Variants in PHF3 observed in about 807,000 individuals in gnomAD.
PHF3 encodes PHD finger protein 3.
A neutral mutation model predicts 178.4 loss-of-function variants in PHF3; 41 were observed. That is an observed-to-expected ratio of 0.23 (90% CI 0.18 to 0.30). The LOEUF (loss-of-function observed/expected upper bound fraction) is 0.30, where lower values mean the gene tolerates loss of function less well. Among genes scored for constraint, PHF3 ranks in the 10% least tolerant of loss-of-function variants. The pLI is 1.00. For synonymous variants in PHF3, 842 were observed against 800.5 expected, an observed-to-expected ratio of 1.05 and a Z score of -0.88; for missense variants, 2,346 against 2,398.1, an observed-to-expected ratio of 0.98 and a Z score of 0.45.
rs201542454 is a variant in PHF3 at position 63,716,675 on chromosome 6, CT to C, written c.*2976del. ...TTTCTGGAGACTTTCAGGGAGATTC[CT>C]TTTTTTTTGCGCCTTGGTTTCTAGC... On this transcript the variant is annotated 3_prime_UTR_variant, in exon 16 of 16. Transcript: ENST00000262043. Among the ~76,000 whole-genome samples, 2 of 150,568 alleles carry C rather than the reference CT, an allele frequency of 1.3e-5. No individual in the cohort carries two copies. Among genetic ancestry groups the C allele is most frequent in the South Asian group, 2.1e-4 (1 of 4,748 alleles).
At chr6:63,639,308 C>T (rs1016453792) in intron 1 of PHF3, among the ~76,000 whole-genome samples, 1 of 152,118 alleles carries the variant, frequency 6.6e-6, no homozygotes, top group South Asian at 2.1e-4. Context: ...CATTTTAATT[C>T]GTTTGTAATT....
intron 15 of PHF3, 86 bp from the exon 16 acceptor site, chr6:63,711,500 T>A: frequency 1.5e-6 from 2 of 1,366,478 alleles, no homozygotes; most frequent in Non-Finnish European, 2.0e-6. Context: ...CCATTTAATA[T>A]CCTGTAATAA....
chr6:63,703,223 C>A (rs1165125241), intron 10 of PHF3, among the ~76,000 whole-genome samples: 1 of 152,140 alleles, frequency 6.6e-6, no homozygotes, highest in Non-Finnish European at 1.5e-5. Context: ...GTAAGTGTTT[C>A]TTAGGCAGAG....
At chr6:63,665,366 T>C (rs952194155) in intron 2 of PHF3, among the ~76,000 whole-genome samples, 3 of 152,030 alleles carry the variant, frequency 2.0e-5, no homozygotes, top group Admixed American at 6.6e-5. Context: ...ATTTATTAAG[T>C]ATAATAGCTC....
In PHF3 at chr6:63,722,717, C is replaced by A. The variant is rs1768451776; in HGVS notation, c.*9009C>A. ...TCATCCAGGGATATTCGGCATTATG[C>A]TACACTACTTCTTCCTCCCTCCAGA... On this transcript the variant is annotated 3_prime_UTR_variant, in exon 16 of 16. Transcript: ENST00000262043. Among the ~76,000 whole-genome samples the A allele has an allele frequency of 6.6e-6, 1 of 152,170 alleles. No homozygotes were observed. The highest frequency in any genetic ancestry group is 2.4e-5 in the African/African-American group (1 of 41,450).
At chr6:63,655,439 C>T (rs1313892461) in intron 2 of PHF3, among the ~76,000 whole-genome samples, 1 of 152,110 alleles carries the variant, frequency 6.6e-6, no homozygotes, top group Non-Finnish European at 1.5e-5. Context: ...TCTCAAACTC[C>T]TGAGCTCAAG....
intron 3 of PHF3, among the ~76,000 whole-genome samples, chr6:63,683,008 A>G (rs1766506135): frequency 1.3e-5 from 2 of 152,184 alleles, no homozygotes; most frequent in African/African-American, 4.8e-5. Context: ...AGTTATTTAA[A>G]AAAATTTTAT....
chr6:63,707,682 A>G (rs1767750870), intron 13 of PHF3, among the ~76,000 whole-genome samples: 2 of 151,602 alleles, frequency 1.3e-5, no homozygotes, highest in East Asian at 3.9e-4. Flanking sequence ...GATTGTAAAA[A>G]AATTCCTTTT....
rs11285703 is a variant in PHF3, at chr6:63,646,806, C to CTTTTTTTTTTTT, written c.244+22_244+33dup. 1 of 910,162 alleles carries CTTTTTTTTTTTT rather than the reference C, an allele frequency of 1.1e-6. No individual in the cohort carries two copies. Among genetic ancestry groups the CTTTTTTTTTTTT allele is most frequent in the Non-Finnish European group, 1.3e-6 (1 of 743,014 alleles). 56.4% of individuals were successfully genotyped at this position (910,162 alleles called of 1,614,324 possible). ...TGCCTTGTTCAACAGGTAATTCTTA[C>CTTTTTTTTTTTT]TTTTTTTTTTTTTTTTTTTTTTAGT... On this transcript the variant is annotated intron_variant, in intron 2 of 15. Coordinates refer to ENST00000262043, the MANE Select transcript of PHF3 (RefSeq NM_001370348.2).
intron 2 of PHF3, 103 bp from the exon 3 acceptor site, chr6:63,679,897 T>C (rs1334581784): frequency 1.1e-6 from 1 of 907,428 alleles, no homozygotes; most frequent in African/African-American, 1.6e-5. Flanking sequence ...CAAGAGTATG[T>C]AGTGTTACAT....
At position 63,713,628 on chromosome 6, in the gene PHF3, A is replaced by C; in HGVS notation, c.6040A>C (p.Lys2014Gln). The change falls in exon 16 of 16, where the codon AAA (lysine) becomes CAA (glutamine). Residue 2014 changes from lysine (K) to glutamine (Q), a missense_variant. This residue lies in a region of PHF3 where 839 missense variants were observed against 806.9 expected (regional missense o/e 1.04). Coordinates refer to ENST00000262043, the MANE Select transcript of PHF3 (RefSeq NM_001370348.2). Reference sequence around the variant, plus strand: ...GAAGGACAAAGAACGAGAGAAAAGTAAACACAGAGAAGGAGAAAAGGACAG... The same window carrying C: ...GAAGGACAAAGAACGAGAGAAAAGTCAACACAGAGAAGGAGAAAAGGACAG... ...YEKDKEREKS[K>Q]HREGEKDRDR... 6.2e-7 allele frequency: 1 copy of C among 1,612,880 alleles called. No homozygotes were observed. Among genetic ancestry groups the C allele is most frequent in the Non-Finnish European group, 8.5e-7 (1 of 1,179,644 alleles).
intron 2 of PHF3, among the ~76,000 whole-genome samples, chr6:63,670,494 G>C: frequency 6.6e-6 from 1 of 151,894 alleles, no homozygotes; most frequent in East Asian, 1.9e-4. Flanking sequence ...GGTCTCGTTA[G>C]CCAGGATGGT....
chr6:63,691,656 AAATTT>A (rs1405878011), intron 4 of PHF3, 76 bp from the exon 5 acceptor site: 12 of 1,226,426 alleles, frequency 9.8e-6, no homozygotes, highest in East Asian at 7.0e-5. Context: ...CAGATATTGA[AAATTT>A]AATTTAGCCT....
At chr6:63,662,040 A>G (rs1765490836) in intron 2 of PHF3, among the ~76,000 whole-genome samples, 3 of 151,990 alleles carry the variant, frequency 2.0e-5, no homozygotes, top group Admixed American at 6.6e-5. Context: ...GTGGCATTAG[A>G]TTTTCATAGG....
chr6:63,705,337 C>T (rs1767644134), intron 11 of PHF3, among the ~76,000 whole-genome samples: 1 of 152,194 alleles, frequency 6.6e-6, no homozygotes, highest in Admixed American at 6.5e-5. Context: ...GGGTCCTCAA[C>T]CCCCGGGCCA....
At chr6:63,710,481 C>G (rs1171870670) in intron 14 of PHF3, among the ~76,000 whole-genome samples, 1 of 152,098 alleles carries the variant, frequency 6.6e-6, no homozygotes, top group African/African-American at 2.4e-5. Context: ...CTGGCTCTCC[C>G]ATTTCGGCCA....
At chr6:63,663,863 A>G (rs1434249944) in intron 2 of PHF3, among the ~76,000 whole-genome samples, 1 of 152,164 alleles carries the variant, frequency 6.6e-6, no homozygotes, top group Non-Finnish European at 1.5e-5. Context: ...CCCTTCAGCT[A>G]TTAGATATTG....
chr6:63,709,038 T>C, intron 13 of PHF3, 113 bp from the exon 14 acceptor site: 1 of 558,528 alleles, frequency 1.8e-6, no homozygotes, highest in South Asian at 3.0e-5. Context: ...CTTTATTTAC[T>C]TGTTTTTATT....
In PHF3 at chr6:63,635,894, G is replaced by C. The variant is rs1445286917; in HGVS notation, c.-282G>C. 2.5e-6 allele frequency: 1 copy of C among 397,742 alleles called. No homozygotes were observed. The highest frequency in any genetic ancestry group is 2.1e-5 in the African/African-American group (1 of 48,562). 24.6% of individuals were successfully genotyped at this position (397,742 alleles called of 1,614,324 possible). A position where few individuals can be genotyped will look rare whatever the true frequency, so the allele number is the denominator to read the frequency against. On this transcript the variant is annotated 5_prime_UTR_variant, in exon 1 of 16. Transcript: ENST00000262043. ...TCTCGCGCCGTCGCACCGTCCCCACGCGGCAAGCGACCTTCGGGCTCAGGG... is the reference window on the plus strand; with the variant it reads ...TCTCGCGCCGTCGCACCGTCCCCACCCGGCAAGCGACCTTCGGGCTCAGGG...
Sources: allele counts gnomAD v4.1 joint callset (sites outside exome capture counted in the v4.1 genomes callset), GRCh38; gene constraint gnomAD v4.1.1; regional missense constraint gnomAD v4.1.1; transcripts MANE v1.5; gene names NCBI Gene and HGNC (gene_info 2026-07-23, HGNC 2026-07-21).